The following ARHGEF38 variants were observed in gnomAD, a reference collection of about 807,000 sequenced individuals.
ARHGEF38 encodes the protein Rho guanine nucleotide exchange factor (GEF) 38.
ARHGEF38 carries 79 observed loss-of-function variants against 79.9 expected under a neutral mutation model. The ratio of observed to expected loss-of-function variants is 0.99; its 90% CI spans 0.82 to 1.19. The LOEUF is 1.19. Ranked by LOEUF, ARHGEF38 falls within the 50% of genes most tolerant of loss-of-function variation. The pLI, the probability that ARHGEF38 is intolerant of heterozygous loss-of-function variation, is 0.00. For missense variants in ARHGEF38, 962 were observed against 907.2 expected (o/e 1.06, Z -0.78); for synonymous variants, 366 against 328.3 (o/e 1.11, Z -1.24).
intron 1 of ARHGEF38, among the ~76,000 whole-genome samples, chr4:105,576,547 G>T (rs1726511639): frequency 6.6e-6 from 1 of 151,700 alleles, no homozygotes; most frequent in Non-Finnish European, 1.5e-5. Context: ...TACTGAATTT[G>T]TTTATCAAAT....
At position 105,630,886 on chromosome 4, in the gene ARHGEF38, T is replaced by C; in HGVS notation, c.509-12T>C. The C allele has an allele frequency of 6.3e-7, 1 of 1,598,102 alleles. No individual in the cohort carries two copies. Among genetic ancestry groups the C allele is most frequent in the Non-Finnish European group, 8.5e-7 (1 of 1,174,578 alleles). On this transcript the variant is annotated splice_polypyrimidine_tract_variant and intron_variant, in intron 3 of 13. Coordinates refer to ENST00000420470, the MANE Select transcript of ARHGEF38 (RefSeq NM_001242729.2). ...TGATGATGTCATTTTGCCTTTGTTTTGCATTTATCAGGAGAAGTATTCTTG... is the reference window on the plus strand; with the variant it reads ...TGATGATGTCATTTTGCCTTTGTTTCGCATTTATCAGGAGAAGTATTCTTG...
At chr4:105,642,665 C>G (rs1199928553) in intron 5 of ARHGEF38, among the ~76,000 whole-genome samples, 1 of 152,074 alleles carries the variant, frequency 6.6e-6, no homozygotes, top group Non-Finnish European at 1.5e-5. Flanking sequence ...AGGAAAGAGG[C>G]AAAGAGAATC....
intron 8 of ARHGEF38, 141 bp from the exon 9 acceptor site, chr4:105,655,462 T>C (rs1248419931): frequency 1.2e-6 from 1 of 861,546 alleles, no homozygotes; most frequent in Non-Finnish European, 1.7e-6. Flanking sequence ...GTACAGAGCA[T>C]TTATAAAATG....
chr4:105,631,269 AGCTCT>A (rs534181396), intron 4 of ARHGEF38: 7 of 1,191,710 alleles, frequency 5.9e-6, no homozygotes, highest in Non-Finnish European at 7.3e-6. Flanking sequence ...GAAGATTTAG[AGCTCT>A]GCAGCGATTG....
intron 1 of ARHGEF38, among the ~76,000 whole-genome samples, chr4:105,557,158 A>G (rs6823261): frequency 0.036 from 5,506 of 152,194 alleles, 304 homozygotes; most frequent in African/African-American, 0.12. Context: ...TACATTTGAA[A>G]TATGCCTAAT....
intron 2 of ARHGEF38, among the ~76,000 whole-genome samples, chr4:105,611,029 C>G (rs1728272407): frequency 6.6e-6 from 1 of 152,052 alleles, no homozygotes; most frequent in Non-Finnish European, 1.5e-5. Flanking sequence ...CAGTTCTCCC[C>G]TGAACTTCTT....
chr4:105,667,055 A>G (rs1730776631), intron 11 of ARHGEF38, 74 bp from the exon 12 acceptor site: 2 of 1,278,558 alleles, frequency 1.6e-6, no homozygotes, highest in Non-Finnish European at 1.1e-6. Context: ...TCTCCAGGGA[A>G]AAAATATTTA....
intron 13 of ARHGEF38, among the ~76,000 whole-genome samples, chr4:105,674,919 A>G (rs942107016): frequency 9.2e-5 from 14 of 152,148 alleles, no homozygotes; most frequent in East Asian, 1.9e-4. Flanking sequence ...AAAAAAATCT[A>G]TAGTTGCATA....
intron 3 of ARHGEF38, among the ~76,000 whole-genome samples, chr4:105,619,123 T>C (rs958242703): frequency 6.6e-6 from 1 of 152,092 alleles, no homozygotes; most frequent in African/African-American, 2.4e-5. Context: ...ATTAAGACAA[T>C]GGGGCCATAT....
At chr4:105,585,746 T>TTTTTTG (rs1727009556) in intron 1 of ARHGEF38, among the ~76,000 whole-genome samples, 1 of 141,974 alleles carries the variant, frequency 7.0e-6, no homozygotes, top group South Asian at 2.3e-4. Context: ...TTTTTTTTTT[T>TTTTTTG]TTTGAGATGG....
In ARHGEF38 at chr4:105,666,180, C is replaced by T; in HGVS notation, c.1549C>T (p.Pro517Ser). The T allele has an allele frequency of 2.0e-6, 3 of 1,519,978 alleles. No individual in the cohort carries two copies. The highest frequency in any genetic ancestry group is 2.6e-6 in the Non-Finnish European group (3 of 1,141,594). 94.2% of individuals were successfully genotyped at this position (1,519,978 alleles called of 1,614,324 possible). A position where few individuals can be genotyped will look rare whatever the true frequency, so the allele number is the denominator to read the frequency against. ...GCCATATTATTTCTACCTATAGATG[C>T]CACTGTTGGTTTCAAGCATTTCTGA... is the stretch of plus-strand genomic sequence containing the variant. Reference protein sequence around the residue: ...QQAYSTLVPMPLLVSSISEIQ... With the variant: ...QQAYSTLVPMSLLVSSISEIQ... Residue 517 changes from proline (P) to serine (S), a missense_variant, in exon 11 of 14, where the codon CCA becomes TCA. Transcript: ENST00000420470.
At chr4:105,581,352 C>G (rs114429638) in intron 1 of ARHGEF38, among the ~76,000 whole-genome samples, 3,206 of 152,186 alleles carry the variant, frequency 0.021, 87 homozygotes, top group African/African-American at 0.06. Flanking sequence ...AAGCTCCCAG[C>G]TTTGAGCACT....
Position 105,679,308 on chromosome 4 carries a change from G to C in ARHGEF38, c.*1371G>C. 1 of 801,542 alleles carries C rather than the reference G, an allele frequency of 1.2e-6. No individual in the cohort carries two copies. Among genetic ancestry groups the C allele is most frequent in the Non-Finnish European group, 2.1e-6 (1 of 467,366 alleles). 49.7% of individuals were successfully genotyped at this position (801,542 alleles called of 1,614,324 possible). On this transcript the variant is annotated 3_prime_UTR_variant, in exon 14 of 14. Transcript: ENST00000420470. Reference sequence around the variant, plus strand: ...CAGCCGGAATCATGCCACTTTGCCTGTAACCTTTGACTCAATTGGAGGAAT... The same window carrying C: ...CAGCCGGAATCATGCCACTTTGCCTCTAACCTTTGACTCAATTGGAGGAAT...
intron 2 of ARHGEF38, among the ~76,000 whole-genome samples, chr4:105,612,093 T>G (rs145597262): frequency 6.6e-6 from 1 of 152,094 alleles, no homozygotes; most frequent in African/African-American, 2.4e-5. Flanking sequence ...CAAAATAATA[T>G]TGGTATCCAA....
intron 1 of ARHGEF38, among the ~76,000 whole-genome samples, chr4:105,558,180 C>A (rs1176459514): frequency 1.3e-5 from 2 of 152,098 alleles, no homozygotes; most frequent in Admixed American, 6.6e-5. Flanking sequence ...CATGTGGGGA[C>A]AAGTGGCTCA....
Position 105,679,885 on chromosome 4 carries a change from A to G in ARHGEF38, c.*1948A>G. The stretch of plus-strand genomic sequence containing the variant: ...GGTCAACTACAGGAATGTCCAAACC[A>G]CGAGGAGCCACATTGGTTGCCACCA... On this transcript the variant is annotated 3_prime_UTR_variant, in exon 14 of 14. Transcript: ENST00000420470. 2 of 1,432,270 alleles carry G rather than the reference A, an allele frequency of 1.4e-6. No individual in the cohort carries two copies. Among genetic ancestry groups the G allele is most frequent in the Non-Finnish European group, 2.0e-6 (2 of 1,018,844 alleles). The allele number at this position is 1,432,270 out of a possible 1,614,324, so 88.7% of individuals were successfully genotyped here.
At chr4:105,568,125 T>C (rs1726031049) in intron 1 of ARHGEF38, among the ~76,000 whole-genome samples, 1 of 151,834 alleles carries the variant, frequency 6.6e-6, no homozygotes, top group African/African-American at 2.4e-5. Context: ...TCATTTTTTA[T>C]GGCTGCATAG....
chr4:105,658,840 T>G (rs1448567273), intron 9 of ARHGEF38, among the ~76,000 whole-genome samples: 1 of 152,222 alleles, frequency 6.6e-6, no homozygotes, highest in African/African-American at 2.4e-5. Context: ...GCTCACTTTT[T>G]AGGTTCAATG....
At chr4:105,600,644 G>T (rs1242250378) in intron 2 of ARHGEF38, among the ~76,000 whole-genome samples, 3 of 152,130 alleles carry the variant, frequency 2.0e-5, no homozygotes, top group Non-Finnish European at 4.4e-5. Context: ...CATTTTCCCT[G>T]AAGTCCTCCT....
Sources: gnomAD v4.1 joint callset for allele counts (sites outside exome capture counted in the v4.1 genomes callset) on GRCh38, gnomAD v4.1.1 for gene constraint, MANE v1.5 for transcripts, NCBI Gene and HGNC (gene_info 2026-07-23, HGNC 2026-07-21) for gene names.